Variants in SHISA6 observed in about 807,000 individuals in gnomAD.
The protein encoded by SHISA6 is shisa family member 6.
Under a neutral mutation model 47.9 loss-of-function variants are expected in SHISA6, and 22 were observed. The observed-to-expected ratio is 0.46, with a 90% CI of 0.33 to 0.66. SHISA6 has a LOEUF of 0.66. Ranked by LOEUF, SHISA6 falls within the 30% of genes least tolerant of loss-of-function variation. The probability of loss-of-function intolerance (pLI) is 0.02; values close to 1 mark genes in which losing one functional copy is unlikely to be tolerated. For missense variants in SHISA6, 680 were observed against 764.6 expected (o/e 0.89, Z 1.30); for synonymous variants, 388 against 337.8 (o/e 1.15, Z -1.63).
intron 3 of SHISA6, among the ~76,000 whole-genome samples, chr17:11,503,799 G>T (rs138700379): frequency 3.3e-4 from 51 of 152,348 alleles, no homozygotes; most frequent in Non-Finnish European, 6.2e-4. Flanking sequence ...ATGTATACCA[G>T]ATGTAGCCGG....
chr17:11,413,750 C>T (rs949338176), intron 3 of SHISA6, among the ~76,000 whole-genome samples: 8 of 152,146 alleles, frequency 5.3e-5, no homozygotes, highest in Non-Finnish European at 8.8e-5. Flanking sequence ...AGCCATGTTC[C>T]GCTTCTTGAG....
intron 3 of SHISA6, among the ~76,000 whole-genome samples, chr17:11,524,307 G>C (rs2071657061): frequency 6.6e-6 from 1 of 151,948 alleles, no homozygotes; most frequent in African/African-American, 2.4e-5. Flanking sequence ...AAGACAAGTT[G>C]CTTTTATTTT....
chr17:11,439,589 T>C (rs1185513973), intron 3 of SHISA6, among the ~76,000 whole-genome samples: 1 of 152,166 alleles, frequency 6.6e-6, no homozygotes. Context: ...ACTGACACCG[T>C]TACTCAAGTT....
chr17:11,442,538 T>A (rs1915120183), intron 3 of SHISA6, among the ~76,000 whole-genome samples: 1 of 152,302 alleles, frequency 6.6e-6, no homozygotes, highest in South Asian at 2.1e-4. Flanking sequence ...CTCAGTTTCC[T>A]GAACAGAAAA....
At chr17:11,545,902 G>A (rs1421780299) in intron 3 of SHISA6, among the ~76,000 whole-genome samples, 2 of 152,180 alleles carry the variant, frequency 1.3e-5, no homozygotes, top group African/African-American at 4.8e-5. Context: ...AAGAGAGCCA[G>A]GTGAAAGTCG....
chr17:11,519,593 C>G (rs779904770), intron 3 of SHISA6, among the ~76,000 whole-genome samples: 2 of 152,096 alleles, frequency 1.3e-5, no homozygotes, highest in Non-Finnish European at 2.9e-5. Flanking sequence ...CAACTACGAA[C>G]GTACTTAACG....
In SHISA6 at chr17:11,388,886, G is replaced by A. The variant is rs72807133; in HGVS notation, c.895+9377G>A. Among the ~76,000 whole-genome samples, 754 of 142,324 alleles carry A rather than the reference G, an allele frequency of 5.3e-3. 4 individuals carry two copies. The highest frequency in any genetic ancestry group is 9.2e-3 in the Non-Finnish European group (611 of 66,348). 93.4% of individuals were successfully genotyped at this position (142,324 alleles called of 152,430 possible). On this transcript the variant is annotated intron_variant, in intron 3 of 5. Transcript: ENST00000441885. ...AAAAACCTTTGAGAGTTTCTCAGTC[G>A]GGTAGTTCTGTTTGCAAGTTCAGCC...
At chr17:11,393,646 T>C (rs1913465651) in intron 3 of SHISA6, among the ~76,000 whole-genome samples, 1 of 152,192 alleles carries the variant, frequency 6.6e-6, no homozygotes, top group Non-Finnish European at 1.5e-5. Context: ...TTTGGAACAG[T>C]GCTTGCCCAT....
At chr17:11,539,459 C>T (rs1157634649) in intron 3 of SHISA6, among the ~76,000 whole-genome samples, 1 of 152,234 alleles carries the variant, frequency 6.6e-6, no homozygotes, top group Non-Finnish European at 1.5e-5. Context: ...CAAACACATG[C>T]AAACATCAAT....
At chr17:11,251,300 A>G (rs1447468576) in intron 1 of SHISA6, among the ~76,000 whole-genome samples, 1 of 152,258 alleles carries the variant, frequency 6.6e-6, no homozygotes, top group African/African-American at 2.4e-5. Flanking sequence ...GATTGCATGC[A>G]GGCAGCAAGA....
At chr17:11,293,748 T>G (rs1909634893) in intron 2 of SHISA6, among the ~76,000 whole-genome samples, 1 of 152,132 alleles carries the variant, frequency 6.6e-6, no homozygotes, top group South Asian at 2.1e-4. Context: ...GCTGTAGGGA[T>G]AAGCACACCA....
At chr17:11,539,541 T>C (rs2071815996) in intron 3 of SHISA6, among the ~76,000 whole-genome samples, 1 of 152,226 alleles carries the variant, frequency 6.6e-6, no homozygotes, top group South Asian at 2.1e-4. Flanking sequence ...CCTTAGCAGA[T>C]AAACCTGCTA....
intron 3 of SHISA6, among the ~76,000 whole-genome samples, chr17:11,415,670 A>G (rs1914259536): frequency 6.6e-6 from 1 of 152,234 alleles, no homozygotes; most frequent in Admixed American, 6.5e-5. Flanking sequence ...ACTTACGTCT[A>G]TTAAACTACA....
intron 3 of SHISA6, among the ~76,000 whole-genome samples, chr17:11,481,287 T>C (rs1345020382): frequency 6.6e-6 from 1 of 151,070 alleles, no homozygotes; most frequent in Non-Finnish European, 1.5e-5. Flanking sequence ...TCAAAATATA[T>C]ATATATATAC....
intron 3 of SHISA6, among the ~76,000 whole-genome samples, chr17:11,454,674 C>T (rs1915488655): frequency 6.6e-6 from 1 of 152,184 alleles, no homozygotes; most frequent in Non-Finnish European, 1.5e-5. Context: ...TCCTTCATGC[C>T]CTAGTCTAAA....
intron 3 of SHISA6, among the ~76,000 whole-genome samples, chr17:11,417,043 A>G (rs1914301487): frequency 6.6e-6 from 1 of 152,218 alleles, no homozygotes; most frequent in Non-Finnish European, 1.5e-5. Flanking sequence ...AAATAAAATT[A>G]TATGAAATCT....
In SHISA6 at chr17:11,553,945, C is replaced by T. The variant is rs565958682; in HGVS notation, c.953-1795C>T. ...ATTTCATACAGAAGAGTAAAGGAGG[C>T]ATTTCTATAGGAGGGAGAGTATCCC... On this transcript the variant is annotated intron_variant, in intron 4 of 5. Coordinates refer to ENST00000441885, the MANE Select transcript of SHISA6 (RefSeq NM_207386.4). Among the ~76,000 whole-genome samples the T allele has an allele frequency of 3.8e-3, 584 of 152,228 alleles. 5 individuals are homozygous for T. The highest frequency in any genetic ancestry group is 0.013 in the African/African-American group (544 of 41,528).
intron 1 of SHISA6, among the ~76,000 whole-genome samples, chr17:11,244,708 ACT>A (rs1320122946): frequency 6.6e-6 from 1 of 152,050 alleles, no homozygotes; most frequent in African/African-American, 2.4e-5. Flanking sequence ...AAGAATGTAC[ACT>A]CTCGAGAGGT....
chr17:11,357,549 C>T (rs1912118917), intron 2 of SHISA6, among the ~76,000 whole-genome samples: 2 of 152,184 alleles, frequency 1.3e-5, no homozygotes, highest in South Asian at 4.1e-4. Flanking sequence ...GATGGAATCA[C>T]ATTATGGAGT....
Sources: allele counts gnomAD v4.1 joint callset (sites outside exome capture counted in the v4.1 genomes callset), GRCh38; gene constraint gnomAD v4.1.1; transcripts MANE v1.5; gene names NCBI Gene and HGNC (gene_info 2026-07-23, HGNC 2026-07-21).